Variants in CCDC102A observed in about 807,000 individuals in gnomAD.
CCDC102A encodes coiled-coil domain containing 102A, also known as coiled-coil domain-containing protein 102A.
In CCDC102A, 40 loss-of-function variants were observed where a neutral mutation model predicts 55.5. That is an observed-to-expected ratio of 0.72 (90% CI 0.56 to 0.94). The LOEUF is 0.94. Ranked by LOEUF, CCDC102A falls within the 40% of genes least tolerant of loss-of-function variation. The pLI, the probability that CCDC102A is intolerant of heterozygous loss-of-function variation, is 0.00. For missense variants in CCDC102A, 779 were observed against 768.6 expected (o/e 1.01, Z -0.16); for synonymous variants, 323 against 339.0 (o/e 0.95, Z 0.52).
rs567574253 is a variant in CCDC102A, at chr16:57,536,098, C to T, written c.-148+402G>A. 2.0e-4 allele frequency among the ~76,000 whole-genome samples: 30 copies of T among 152,280 alleles called. No homozygotes were observed. In the South Asian group the frequency reaches 6.2e-3, roughly 32 times the overall value. On this transcript the variant is annotated intron_variant, in intron 1 of 8. Coordinates refer to ENST00000258214, the MANE Select transcript of CCDC102A (RefSeq NM_033212.4). ...GCCCCCATTGGCAGTCGCCGCGGCT[C>T]TGGGCAGGGCGCCGTGCTCTGATTG...
At chr16:57,524,884 G>A (rs1446292204) in intron 3 of CCDC102A, among the ~76,000 whole-genome samples, 2 of 152,170 alleles carry the variant, frequency 1.3e-5, no homozygotes, top group African/African-American at 2.4e-5. Context: ...GCTCAGCCCT[G>A]TTCTTACTGA....
chr16:57,527,809 A>G (rs1208590849), intron 2 of CCDC102A, among the ~76,000 whole-genome samples: 1 of 152,232 alleles, frequency 6.6e-6, no homozygotes, highest in Non-Finnish European at 1.5e-5. Context: ...GATAACGCAC[A>G]TGCTCGGCTA....
In CCDC102A at chr16:57,518,163, G is replaced by C; in HGVS notation, c.1153C>G (p.Leu385Val). ...NKKLRAQVGDLEEALARRRRQ... is the reference protein window; with the variant it reads ...NKKLRAQVGDVEEALARRRRQ... ...CGCCGCCGGGCCAGCGCCTCCTCCA[G>C]GTCTCCGACCTGTGCCCGCAGCTTC... The change falls in exon 6 of 9, where the codon CTG (leucine) becomes GTG (valine). Residue 385 changes from leucine (L) to valine (V), a missense_variant. Coordinates refer to ENST00000258214, the MANE Select transcript of CCDC102A (RefSeq NM_033212.4). 1 of 1,612,210 alleles carries C rather than the reference G, an allele frequency of 6.2e-7. No individual in the cohort carries two copies. The highest frequency in any genetic ancestry group is 8.5e-7 in the Non-Finnish European group (1 of 1,179,872).
intron 3 of CCDC102A, among the ~76,000 whole-genome samples, chr16:57,524,955 CTT>C (rs1286928741): frequency 6.6e-6 from 1 of 152,166 alleles, no homozygotes; most frequent in African/African-American, 2.4e-5. Flanking sequence ...GCTCCCTTCT[CTT>C]GTCTCCTCTG....
chr16:57,517,494 C>T (rs1057036571), intron 6 of CCDC102A, among the ~76,000 whole-genome samples: 4 of 152,038 alleles, frequency 2.6e-5, no homozygotes, highest in Non-Finnish European at 4.4e-5. Context: ...TTACAGGTGC[C>T]CACAATGCTC....
chr16:57,518,082 A>C lies in CCDC102A; in HGVS notation c.1234T>G (p.Phe412Val). Residue 412 changes from phenylalanine to valine, a missense_variant, in exon 6 of 9, where the codon TTC becomes GTC. Coordinates refer to ENST00000258214, the MANE Select transcript of CCDC102A (RefSeq NM_033212.4). The stretch of plus-strand genomic sequence containing the variant: ...CCTTGCCCCACCTTGTTCTTCTCGA[A>C]GAGCGCGGCCTGGCTGGCCCTCAGG... ...CDLRASQAALFEKNKELADLK... is the reference protein window; with the variant it reads ...CDLRASQAALVEKNKELADLK... 6.3e-7 allele frequency: 1 copy of C among 1,599,654 alleles called. No individual in the cohort carries two copies. The highest frequency in any genetic ancestry group is 8.5e-7 in the Non-Finnish European group (1 of 1,175,044).
At chr16:57,517,455 T>C (rs1263633652) in intron 6 of CCDC102A, among the ~76,000 whole-genome samples, 1 of 152,184 alleles carries the variant, frequency 6.6e-6, no homozygotes, top group African/African-American at 2.4e-5. Context: ...CAAGTGATTC[T>C]CCTGCCTCAG....
chr16:57,515,261 T>A, intron 8 of CCDC102A, 80 bp downstream of exon 8: 1 of 870,864 alleles, frequency 1.1e-6, no homozygotes, highest in South Asian at 1.4e-5. Flanking sequence ...CCTCCAGCCT[T>A]GGTTTGGGCT....
intron 4 of CCDC102A, 21 bp from the exon 5 acceptor site, chr16:57,518,762 C>T: frequency 6.4e-7 from 1 of 1,571,198 alleles, no homozygotes; most frequent in Non-Finnish European, 8.7e-7. Flanking sequence ...AAGGCCCCAC[C>T]TGGTCATGAG....
At chr16:57,521,654 G>A (rs1217862965) in intron 3 of CCDC102A, among the ~76,000 whole-genome samples, 1 of 152,186 alleles carries the variant, frequency 6.6e-6, no homozygotes, top group African/African-American at 2.4e-5. Flanking sequence ...GGAAAACACT[G>A]TCCAGTGACC....
intron 8 of CCDC102A, among the ~76,000 whole-genome samples, chr16:57,514,973 T>A (rs1225171298): frequency 1.3e-5 from 2 of 152,102 alleles, no homozygotes; most frequent in African/African-American, 4.8e-5. Flanking sequence ...CTCAGATCCC[T>A]GCTGTCTTGG....
At chr16:57,534,215 C>G (rs1218631036) in intron 1 of CCDC102A, among the ~76,000 whole-genome samples, 1 of 152,176 alleles carries the variant, frequency 6.6e-6, no homozygotes, top group African/African-American at 2.4e-5. Flanking sequence ...GCCTGGCAAG[C>G]TGCCATCTCT....
At chr16:57,536,307 G>A (rs1030674474) in intron 1 of CCDC102A, among the ~76,000 whole-genome samples, 193 bp downstream of exon 1, 14 of 152,124 alleles carry the variant, frequency 9.2e-5, no homozygotes, top group Non-Finnish European at 2.1e-4. Context: ...GGTTCCGGGG[G>A]CTGAGGGAGG....
Position 57,529,378 on chromosome 16 carries a change from C to T in CCDC102A, c.-147-54G>A. 1.7e-6 allele frequency: 1 copy of T among 574,984 alleles called. No homozygotes were observed. The highest frequency in any genetic ancestry group is 2.3e-6 in the Non-Finnish European group (1 of 429,110). The allele number at this position is 574,984 out of a possible 1,614,324, so 35.6% of individuals were successfully genotyped here. On this transcript the variant is annotated intron_variant, in intron 1 of 8. Transcript: ENST00000258214. The surrounding 1 kb of genome is among the most constrained non-coding windows in gnomAD (Gnocchi z 4.1). ...TGCGACCACCGTCAGTCTCGAAGAT[C>T]AGCCGCGCCAAGGCCCTGGCGGAGG...
intron 8 of CCDC102A, among the ~76,000 whole-genome samples, chr16:57,513,564 A>T (rs1227142009): frequency 1.3e-5 from 2 of 152,248 alleles, no homozygotes; most frequent in African/African-American, 4.8e-5. Context: ...AAAACGACAC[A>T]GCGGTCCTGG....
At chr16:57,533,012 A>T (rs2032299177) in intron 1 of CCDC102A, among the ~76,000 whole-genome samples, 1 of 152,178 alleles carries the variant, frequency 6.6e-6, no homozygotes, top group Non-Finnish European at 1.5e-5. Flanking sequence ...GGCTTGGCCC[A>T]GAGAGGGCCA....
At chr16:57,515,692 C>T (rs2031943357) in intron 7 of CCDC102A, among the ~76,000 whole-genome samples, 1 of 152,136 alleles carries the variant, frequency 6.6e-6, no homozygotes, top group African/African-American at 2.4e-5. Context: ...TGCAGCCATC[C>T]ACCTCCTATC....
In CCDC102A at chr16:57,528,829, G is replaced by A. The variant is rs1376593640; in HGVS notation, c.349C>T (p.Arg117Cys). 1 of 1,283,984 alleles carries A rather than the reference G, an allele frequency of 7.8e-7. No individual in the cohort carries two copies. The highest frequency in any genetic ancestry group is 1.8e-5 in the South Asian group (1 of 56,340). 79.5% of individuals were successfully genotyped at this position (1,283,984 alleles called of 1,614,324 possible). ...AGCTGGCGCACCTCCTCGCGCGCGC[G>A]GTTGCGCTCAGCGCGCACCTTGCTC... ...KWSKVRAERN[R>C]AREEVRQLRQ... Residue 117 changes from arginine to cysteine, a missense_variant, in exon 2 of 9, where the codon CGC becomes TGC. By Grantham distance (180) the Arg-to-Cys change is radical. Coordinates refer to ENST00000258214, the MANE Select transcript of CCDC102A (RefSeq NM_033212.4).
rs370031230 is a variant in CCDC102A, at chr16:57,512,712, C to T, written c.*29G>A. 4.4e-5 allele frequency: 71 copies of T among 1,602,842 alleles called. No homozygotes were observed. In the African/African-American group the frequency reaches 5.2e-4, roughly 12 times the overall value. On this transcript the variant is annotated 3_prime_UTR_variant, in exon 9 of 9. Coordinates refer to ENST00000258214, the MANE Select transcript of CCDC102A (RefSeq NM_033212.4). ...GCCTGGACCCTGGGCAGGTATGGGGCGGCCCATCCTGCCCAGCCACAGGAA... is the reference window on the plus strand; with the variant it reads ...GCCTGGACCCTGGGCAGGTATGGGGTGGCCCATCCTGCCCAGCCACAGGAA...
Sources: gnomAD v4.1 joint callset for allele counts (sites outside exome capture counted in the v4.1 genomes callset) on GRCh38, gnomAD v4.1.1 for gene constraint, Gnocchi (gnomAD v3.1) non-coding constraint, MANE v1.5 for transcripts, NCBI Gene and HGNC (gene_info 2026-07-23, HGNC 2026-07-21) for gene names.